Variants in NLGN1 observed in about 807,000 individuals in gnomAD.
NLGN1 encodes the protein neuroligin-1.
In NLGN1, 12 loss-of-function variants were observed where a neutral mutation model predicts 65.5. The observed-to-expected ratio is 0.18, with a 90% CI of 0.12 to 0.30. NLGN1 has a LOEUF of 0.30. Ranked by LOEUF, NLGN1 falls within the 10% of genes least tolerant of loss-of-function variation. The probability of loss-of-function intolerance (pLI) is 1.00; values close to 1 mark genes in which losing one functional copy is unlikely to be tolerated. For synonymous variants in NLGN1, 350 were observed against 359.5 expected (o/e 0.97, Z 0.30); for missense variants, 750 against 1,007.1 (o/e 0.74, Z 3.46).
At chr3:173,606,591 G>C (rs1751445782) in intron 3 of NLGN1, among the ~76,000 whole-genome samples, 1 of 152,018 alleles carries the variant, frequency 6.6e-6, no homozygotes, top group Non-Finnish European at 1.5e-5. Flanking sequence ...TTGTGGGGCA[G>C]GGAATGTCTA....
At chr3:173,470,247 C>A (rs1043080601) in intron 2 of NLGN1, among the ~76,000 whole-genome samples, 2 of 152,018 alleles carry the variant, frequency 1.3e-5, no homozygotes, top group Non-Finnish European at 2.9e-5. Context: ...TTTTAAACAT[C>A]CTGTCTTGCC....
rs1405998360 is a variant in NLGN1, at chr3:173,552,849, A to G, written c.-320-51430A>G. 2.0e-5 allele frequency among the ~76,000 whole-genome samples: 3 copies of G among 152,184 alleles called. 1 individual carries two copies. The highest frequency in any genetic ancestry group is 1.5e-5 in the Non-Finnish European group (1 of 68,026). On this transcript the variant is annotated intron_variant, in intron 2 of 6. Transcript: ENST00000457714. Reference sequence around the variant, plus strand: ...AATGTTTTGTCATACTTGTATGTTTATATAACACACAGTAGTGTGGAAAAA... The same window carrying G: ...AATGTTTTGTCATACTTGTATGTTTGTATAACACACAGTAGTGTGGAAAAA...
intron 2 of NLGN1, among the ~76,000 whole-genome samples, chr3:173,579,207 C>T (rs1013482021): frequency 6.6e-6 from 1 of 152,206 alleles, no homozygotes; most frequent in African/African-American, 2.4e-5. Flanking sequence ...CTTGGGTAGT[C>T]GCAGTGGCTA....
intron 4 of NLGN1, among the ~76,000 whole-genome samples, chr3:173,952,058 A>G (rs1382068791): frequency 6.6e-6 from 1 of 152,106 alleles, no homozygotes; most frequent in African/African-American, 2.4e-5. Flanking sequence ...CTTTCTTTTC[A>G]TAAGGACACC....
intron 3 of NLGN1, among the ~76,000 whole-genome samples, chr3:173,757,499 A>G (rs1053265788): frequency 5.3e-5 from 8 of 152,192 alleles, no homozygotes; most frequent in Admixed American, 2.6e-4. Flanking sequence ...AAAAAACCAC[A>G]TACCTTTAAA....
intron 2 of NLGN1, among the ~76,000 whole-genome samples, chr3:173,439,287 T>C (rs1718709184): frequency 6.6e-6 from 1 of 152,210 alleles, no homozygotes; most frequent in Non-Finnish European, 1.5e-5. Context: ...TGTTGAGTTT[T>C]AGTATTATAT....
chr3:174,004,272 G>T (rs1353515238), intron 4 of NLGN1, among the ~76,000 whole-genome samples: 1 of 152,076 alleles, frequency 6.6e-6, no homozygotes, highest in Non-Finnish European at 1.5e-5. Context: ...AATTTCCCAT[G>T]AATTCTTGCT....
At chr3:173,906,008 A>G (rs1459715552) in intron 4 of NLGN1, among the ~76,000 whole-genome samples, 2 of 152,242 alleles carry the variant, frequency 1.3e-5, no homozygotes, top group African/African-American at 4.8e-5. Context: ...GGATTTTAAT[A>G]CTATTGTTTT....
intron 4 of NLGN1, among the ~76,000 whole-genome samples, chr3:174,259,762 C>T (rs1746496717): frequency 6.6e-6 from 1 of 151,288 alleles, no homozygotes. Flanking sequence ...TATACATGTG[C>T]CATGCTGGTG....
chr3:173,911,122 T>A (rs573530152), intron 4 of NLGN1, among the ~76,000 whole-genome samples: 1 of 152,200 alleles, frequency 6.6e-6, no homozygotes, highest in African/African-American at 2.4e-5. Flanking sequence ...CAAACTGTTA[T>A]AATATCCAAA....
intron 2 of NLGN1, among the ~76,000 whole-genome samples, chr3:173,544,568 G>GA (rs1739445032): frequency 6.6e-6 from 1 of 151,678 alleles, no homozygotes; most frequent in African/African-American, 2.4e-5. Flanking sequence ...GATTTAATTT[G>GA]AAAAAAATCC....
chr3:173,570,208 A>G (rs1395701653), intron 2 of NLGN1, among the ~76,000 whole-genome samples: 2 of 152,170 alleles, frequency 1.3e-5, no homozygotes, highest in Admixed American at 1.3e-4. Flanking sequence ...ATCTATAGAA[A>G]TTAGAAAGGT....
At chr3:173,968,135 C>G (rs1272145266) in intron 4 of NLGN1, among the ~76,000 whole-genome samples, 3 of 152,046 alleles carry the variant, frequency 2.0e-5, no homozygotes, top group Admixed American at 1.3e-4. Context: ...TTTTAAGAGT[C>G]CTACAATCCT....
At chr3:173,690,466 C>T in intron 3 of NLGN1, among the ~76,000 whole-genome samples, 1 of 152,134 alleles carries the variant, frequency 6.6e-6, no homozygotes, top group East Asian at 1.9e-4. Flanking sequence ...GCATTTTTCA[C>T]ATACTGCCTG....
chr3:174,096,347 G>A (rs756932823), intron 4 of NLGN1, among the ~76,000 whole-genome samples: 16 of 151,742 alleles, frequency 1.1e-4, no homozygotes, highest in Admixed American at 2.6e-4. Context: ...AGGGTTCTCC[G>A]CAGAACATGG....
chr3:173,924,157 ATTTAT>A (rs1742574036), intron 4 of NLGN1, among the ~76,000 whole-genome samples: 1 of 152,132 alleles, frequency 6.6e-6, no homozygotes, highest in Non-Finnish European at 1.5e-5. Context: ...CATCAAATGT[ATTTAT>A]TTATTTGGAT....
intron 2 of NLGN1, among the ~76,000 whole-genome samples, chr3:173,444,769 CAT>C (rs1286363291): frequency 6.6e-6 from 1 of 151,316 alleles, no homozygotes; most frequent in Non-Finnish European, 1.5e-5. Context: ...TGTGTATATA[CAT>C]GTGTATATAT....
chr3:173,546,692 C>T (rs1044451971), intron 2 of NLGN1, among the ~76,000 whole-genome samples: 6 of 152,056 alleles, frequency 3.9e-5, no homozygotes, highest in East Asian at 1.9e-4. Context: ...AGCTGGGCTG[C>T]GCTATTAAAT....
At chr3:173,998,892 G>T (rs1722762381) in intron 4 of NLGN1, among the ~76,000 whole-genome samples, 1 of 152,000 alleles carries the variant, frequency 6.6e-6, no homozygotes, top group Non-Finnish European at 1.5e-5. Flanking sequence ...CCATCACTTG[G>T]GTCTGAAAGT....
Sources: allele counts gnomAD v4.1 joint callset (sites outside exome capture counted in the v4.1 genomes callset), GRCh38; gene constraint gnomAD v4.1.1; transcripts MANE v1.5; gene names NCBI Gene and HGNC (gene_info 2026-07-23, HGNC 2026-07-21).